Variants in RBM39 observed in about 807,000 individuals in gnomAD.
RBM39 encodes the protein RNA binding motif protein 39, also known as RNA-binding protein 39.
RBM39 carries 12 observed loss-of-function variants against 79.6 expected under a neutral mutation model. The ratio of observed to expected loss-of-function variants is 0.15; its 90% CI spans 0.10 to 0.24. The LOEUF is 0.24. Ranked by LOEUF, RBM39 falls within the 10% of genes least tolerant of loss-of-function variation. RBM39 has a pLI of 1.00. For synonymous variants in RBM39, 185 were observed against 208.4 expected, an observed-to-expected ratio of 0.89 and a Z score of 0.97; for missense variants, 243 against 653.4, an observed-to-expected ratio of 0.37 and a Z score of 6.85.
intron 4 of RBM39, 172 bp downstream of exon 4, chr20:35,731,769 T>C (rs1268708092): frequency 2.9e-6 from 2 of 692,586 alleles, no homozygotes; most frequent in Non-Finnish European, 4.9e-6. Context: ...CTTATTTGTC[T>C]ATGCACTGTA....
chr20:35,732,280 T>A lies in RBM39; in HGVS notation c.102-145A>T, dbSNP rs2039454333. ...TGATACAATGGTACATAATCATACT[T>A]AAAAAAAAAAAAAAATCCTGTAATC... On this transcript the variant is annotated intron_variant, in intron 3 of 16. Transcript: ENST00000253363. The A allele has an allele frequency of 9.4e-6, 5 of 533,664 alleles. No individual in the cohort carries two copies. The highest frequency in any genetic ancestry group is 3.9e-5 in the African/African-American group (2 of 50,698). 33.1% of individuals were successfully genotyped at this position (533,664 alleles called of 1,614,324 possible).
At chr20:35,710,417 T>C (rs1362394732) in intron 12 of RBM39, 1 of 152,196 alleles carries the variant, frequency 6.6e-6, no homozygotes, top group Non-Finnish European at 1.5e-5. Flanking sequence ...TTGTCTTTTT[T>C]TTCCTAAAAT....
chr20:35,737,811 TG>T (rs1600651555), intron 3 of RBM39, among the ~76,000 whole-genome samples: 1 of 124,238 alleles, frequency 8.0e-6, no homozygotes, highest in East Asian at 2.5e-4. Flanking sequence ...ATCACACCAC[TG>T]CACTCCAGCC....
intron 12 of RBM39, 96 bp downstream of exon 12, chr20:35,712,923 T>C (rs913460278): frequency 4.3e-6 from 4 of 937,944 alleles, no homozygotes; most frequent in South Asian, 1.7e-5. Context: ...ACTTGATGAA[T>C]TGAATTCTCA....
In RBM39 at chr20:35,704,738, C is replaced by T. The variant is rs1167664984; in HGVS notation, c.1422G>A (p.Val474=). 9 of 1,613,012 alleles carry T rather than the reference C, an allele frequency of 5.6e-6. No homozygotes were observed. The highest frequency in any genetic ancestry group is 1.7e-5 in the Admixed American group (1 of 59,926). The change falls in exon 16 of 17, where the codon GTG becomes GTA. Residue 474 remains valine (V), a synonymous_variant. Transcript: ENST00000253363. ...YVDKNSAQGN[V]YVKCPSIAAA... ...CAGCAATTGATGGGCACTTCACATACACATTGCCCTACAGAAAAAATGAAA... is the reference window on the plus strand; with the variant it reads ...CAGCAATTGATGGGCACTTCACATATACATTGCCCTACAGAAAAAATGAAA...
rs560606023 is a variant in RBM39 at position 35,727,806 on chromosome 20, C to T, written c.416+1506G>A. ...CTGGGATGACAGGTGCACACCACCA[C>T]GCCCAGCTAATTTTTTGTATTTTTT... is the stretch of plus-strand genomic sequence containing the variant. On this transcript the variant is annotated intron_variant, in intron 6 of 16. Coordinates refer to ENST00000253363, the MANE Select transcript of RBM39 (RefSeq NM_184234.3). 9.9e-5 allele frequency among the ~76,000 whole-genome samples: 15 copies of T among 151,892 alleles called. No individual in the cohort carries two copies. In the East Asian group the frequency reaches 2.5e-3, roughly 25 times the overall value.
chr20:35,707,047 AAAAAG>A, intron 14 of RBM39, 68 bp downstream of exon 14: 2 of 722,472 alleles, frequency 2.8e-6, no homozygotes, highest in East Asian at 7.6e-5. Context: ...AAAAAAAAAA[AAAAAG>A]AGAAATATAT....
Position 35,704,322 on chromosome 20 carries a change from T to G in RBM39, c.*159A>C. On this transcript the variant is annotated 3_prime_UTR_variant, in exon 17 of 17. Coordinates refer to ENST00000253363, the MANE Select transcript of RBM39 (RefSeq NM_184234.3). ...TACTATTTAGGGAGAATGAGCACAC[T>G]GCATTCCTGTTAACATTTTTATTTT... 1.8e-6 allele frequency: 1 copy of G among 564,284 alleles called. No individual in the cohort carries two copies. The highest frequency in any genetic ancestry group is 3.1e-6 in the Non-Finnish European group (1 of 321,522). The allele number at this position is 564,284 out of a possible 1,614,324, so 35.0% of individuals were successfully genotyped here. A position where few individuals can be genotyped will look rare whatever the true frequency, so the allele number is the denominator to read the frequency against.
At chr20:35,718,602 A>G (rs35547638) in intron 9 of RBM39, among the ~76,000 whole-genome samples, 28,337 of 151,906 alleles carry the variant, frequency 0.19, 3,043 homozygotes, top group African/African-American at 0.31. Flanking sequence ...ACCAGAGGTC[A>G]GGAGTTTGAG....
At chr20:35,706,076 C>T (rs1002867938) in intron 14 of RBM39, among the ~76,000 whole-genome samples, 17 of 151,842 alleles carry the variant, frequency 1.1e-4, no homozygotes, top group East Asian at 1.9e-4. Context: ...TCATGGCACA[C>T]GCCTGTAATC....
At chr20:35,708,561 A>T (rs527871607) in intron 13 of RBM39, among the ~76,000 whole-genome samples, 1 of 151,800 alleles carries the variant, frequency 6.6e-6, no homozygotes, top group African/African-American at 2.4e-5. Flanking sequence ...GTGATGGAAC[A>T]TGACATATCT....
chr20:35,713,919 A>G, intron 11 of RBM39: 1 of 331,664 alleles, frequency 3.0e-6, no homozygotes, highest in Non-Finnish European at 5.5e-6. Flanking sequence ...AGCTGCAACT[A>G]AATTTATTCC....
chr20:35,734,926 A>T (rs1456219546), intron 3 of RBM39: 2 of 1,582,498 alleles, frequency 1.3e-6, no homozygotes, highest in Non-Finnish European at 1.7e-6. Flanking sequence ...CTTTAATGGC[A>T]GTGAAATTTT....
At position 35,702,190 on chromosome 20, in the gene RBM39, T is replaced by C. The variant is rs1429035305; in HGVS notation, c.*2291A>G. On this transcript the variant is annotated 3_prime_UTR_variant, in exon 17 of 17. Coordinates refer to ENST00000253363, the MANE Select transcript of RBM39 (RefSeq NM_184234.3). Reference sequence around the variant, plus strand: ...TCTTAAACAGAACTTTCAAAGATGGTAGTAATTATTATAAAGATAAAAGAA... The same window carrying C: ...TCTTAAACAGAACTTTCAAAGATGGCAGTAATTATTATAAAGATAAAAGAA... 1.3e-5 allele frequency: 2 copies of C among 152,176 alleles called. No homozygotes were observed. The highest frequency in any genetic ancestry group is 3.8e-4 in the East Asian group (2 of 5,204). The allele number at this position is 152,176 out of a possible 1,614,324, so 9.4% of individuals were successfully genotyped here.
At chr20:35,713,283 T>C (rs922219348) in intron 11 of RBM39, 187 bp from the exon 12 acceptor site, 1 of 492,542 alleles carries the variant, frequency 2.0e-6, no homozygotes, top group Non-Finnish European at 3.6e-6. Flanking sequence ...ATCCCAGAGA[T>C]CGAGACCAAC....
intron 9 of RBM39, 116 bp downstream of exon 9, chr20:35,721,624 C>T (rs759130483): frequency 1.7e-6 from 2 of 1,204,952 alleles, no homozygotes; most frequent in Non-Finnish European, 2.3e-6. Context: ...ATAAAACCAG[C>T]CCTTATCCTC....
chr20:35,719,186 C>T (rs1230024049), intron 9 of RBM39, among the ~76,000 whole-genome samples: 5 of 152,062 alleles, frequency 3.3e-5, no homozygotes, highest in African/African-American at 1.2e-4. Context: ...ATATGCCACC[C>T]AAGACCGGCT....
At position 35,705,230 on chromosome 20, in the gene RBM39, C is replaced by T. The variant is rs754202099; in HGVS notation, c.1408G>A (p.Ala470Thr). 3.9e-6 allele frequency: 6 copies of T among 1,540,538 alleles called. No individual in the cohort carries two copies. The South Asian group carries it at 7.1e-5, about 18-fold the overall frequency. The change falls in exon 15 of 17, where the codon GCT becomes ACT. Residue 470 changes from alanine (A) to threonine (T), a missense_variant. Around this residue, in one of 4 missense-constraint regions of RBM39, gnomAD observed 48 missense variants for 130.2 expected, o/e 0.37. Transcript: ENST00000253363. ...ATAAAAAAAGATGAAAATACCTGAG[C>T]TGAATTTTTGTCAACATAAATATGA... ...VIHIYVDKNS[A>T]QGNVYVKCPS...
chr20:35,719,609 G>A (rs1055985332), intron 9 of RBM39, among the ~76,000 whole-genome samples: 5 of 151,884 alleles, frequency 3.3e-5, no homozygotes, highest in African/African-American at 4.8e-5. Context: ...CCTGGGAGGC[G>A]GAGGTTGCAG....
Sources: gnomAD v4.1 joint callset for allele counts (sites outside exome capture counted in the v4.1 genomes callset) on GRCh38, gnomAD v4.1.1 for gene constraint, gnomAD v4.1.1 regional missense constraint, MANE v1.5 for transcripts, NCBI Gene and HGNC (gene_info 2026-07-23, HGNC 2026-07-21) for gene names.